Variants in CBLB observed in about 807,000 individuals in gnomAD.
The protein encoded by CBLB is Cbl proto-oncogene B, also known as E3 ubiquitin-protein ligase CBL-B.
Under a neutral mutation model 104.9 loss-of-function variants are expected in CBLB, and 31 were observed. That is an observed-to-expected ratio of 0.30 (90% CI 0.22 to 0.40). The LOEUF (loss-of-function observed/expected upper bound fraction) is 0.40, where lower values mean the gene tolerates loss of function less well. CBLB is among the 10% of genes least tolerant of loss of function. CBLB has a pLI of 1.00. For missense variants in CBLB, 1,062 were observed against 1,214.6 expected (o/e 0.87, Z 1.87); for synonymous variants, 440 against 422.6 (o/e 1.04, Z -0.51).
chr3:105,860,287 A>C (rs1384553063), intron 2 of CBLB, among the ~76,000 whole-genome samples: 1 of 152,222 alleles, frequency 6.6e-6, no homozygotes, highest in Non-Finnish European at 1.5e-5. Context: ...TTATATTACA[A>C]ATAGCATATC....
intron 3 of CBLB, among the ~76,000 whole-genome samples, chr3:105,804,514 C>T (rs1042695406): frequency 6.8e-6 from 1 of 146,174 alleles, no homozygotes; most frequent in African/African-American, 2.5e-5. Flanking sequence ...GAGCAAGACT[C>T]TGTCTCAAAA....
At chr3:105,746,518 G>A (rs1190015147) in intron 5 of CBLB, among the ~76,000 whole-genome samples, 1 of 152,020 alleles carries the variant, frequency 6.6e-6, no homozygotes, top group Non-Finnish European at 1.5e-5. Context: ...CTATTGTCTT[G>A]AACAAAAAAG....
At chr3:105,681,272 G>A in intron 16 of CBLB, 1 of 598,494 alleles carries the variant, frequency 1.7e-6, no homozygotes, top group South Asian at 2.1e-5. Flanking sequence ...CCTGACTGAT[G>A]CCCAACTACT....
In CBLB at chr3:105,658,115, T is replaced by C. The variant is rs56373719; in HGVS notation, c.*855A>G. ...CTTGTTATATAACTTCAGTACAGCA[T>C]TGTCTTATACAAGTGTTCTCTCTTC... On this transcript the variant is annotated 3_prime_UTR_variant, in exon 19 of 19. Coordinates refer to ENST00000394030, the MANE Select transcript of CBLB (RefSeq NM_170662.5). 4.6e-6 allele frequency: 1 copy of C among 217,042 alleles called. No individual in the cohort carries two copies. The highest frequency in any genetic ancestry group is 9.3e-6 in the Non-Finnish European group (1 of 107,760). 13.4% of individuals were successfully genotyped at this position (217,042 alleles called of 1,614,324 possible). A position where few individuals can be genotyped will look rare whatever the true frequency, so the allele number is the denominator to read the frequency against.
rs778115917 is a variant in CBLB, at chr3:105,670,401, TG to T, written c.2570-50del. On this transcript the variant is annotated intron_variant, in intron 17 of 18. Transcript: ENST00000394030. ...AATTAAAAGGATGATCTCTGTTGAT[TG>T]GCTGAAGAAAAAAATTCTAGAATTA... The T allele has an allele frequency of 2.7e-6, 4 of 1,494,152 alleles. No individual in the cohort carries two copies. The African/African-American group carries it at 5.5e-5, about 21-fold the overall frequency. 92.6% of individuals were successfully genotyped at this position (1,494,152 alleles called of 1,614,324 possible). A position where few individuals can be genotyped will look rare whatever the true frequency, so the allele number is the denominator to read the frequency against.
chr3:105,731,733 G>T (rs1322613432), intron 9 of CBLB, among the ~76,000 whole-genome samples: 3 of 152,142 alleles, frequency 2.0e-5, no homozygotes, highest in Non-Finnish European at 4.4e-5. Flanking sequence ...GATTTAAGAG[G>T]TGTGAGCCGC....
At chr3:105,704,282 T>C (rs1179660263) in intron 10 of CBLB, 109 bp from the exon 11 acceptor site, 2 of 965,902 alleles carry the variant, frequency 2.1e-6, no homozygotes, top group African/African-American at 3.2e-5. Context: ...CATACATTTG[T>C]TAAAATGAAT....
chr3:105,783,271 T>A (rs1275432185), intron 3 of CBLB, among the ~76,000 whole-genome samples: 1 of 130,754 alleles, frequency 7.6e-6, no homozygotes, highest in Non-Finnish European at 1.7e-5. Context: ...AAGACCCTGA[T>A]GCATCTAATT....
chr3:105,850,893 T>C (rs1376505781), intron 3 of CBLB, among the ~76,000 whole-genome samples: 2 of 152,154 alleles, frequency 1.3e-5, no homozygotes, highest in Non-Finnish European at 1.5e-5. Context: ...AGAACTGTCA[T>C]TCGTTGCTGG....
intron 13 of CBLB, among the ~76,000 whole-genome samples, chr3:105,688,313 C>T (rs1405032156): frequency 6.6e-6 from 1 of 151,988 alleles, no homozygotes; most frequent in African/African-American, 2.4e-5. Context: ...TACATAGGGA[C>T]ATACACTCTC....
At chr3:105,744,086 G>GT (rs1469282251) in intron 6 of CBLB, among the ~76,000 whole-genome samples, 3 of 152,234 alleles carry the variant, frequency 2.0e-5, no homozygotes, top group South Asian at 2.1e-4. Flanking sequence ...GAGGGCAGTA[G>GT]TTTTTTACTA....
At chr3:105,739,569 T>A (rs574430699) in intron 7 of CBLB, among the ~76,000 whole-genome samples, 1 of 152,282 alleles carries the variant, frequency 6.6e-6, no homozygotes, top group East Asian at 1.9e-4. Context: ...ATACTTTGTG[T>A]GTGGAGTGAG....
chr3:105,657,024 T>C lies in CBLB; in HGVS notation c.*1946A>G. 1 of 225,198 alleles carries C rather than the reference T, an allele frequency of 4.4e-6. No individual in the cohort carries two copies. The highest frequency in any genetic ancestry group is 6.4e-5 in the East Asian group (1 of 15,720). 13.9% of individuals were successfully genotyped at this position (225,198 alleles called of 1,614,324 possible). On this transcript the variant is annotated 3_prime_UTR_variant, in exon 19 of 19. Coordinates refer to ENST00000394030, the MANE Select transcript of CBLB (RefSeq NM_170662.5). ...TCATGGGAAGAACATCTAAGGCAAA[T>C]GAAAAATTCCCCTCCAGGGACATAA...
intron 9 of CBLB, among the ~76,000 whole-genome samples, chr3:105,722,198 C>CAAAAAAAAAA (rs5851468): frequency 9.5e-5 from 8 of 84,368 alleles, no homozygotes; most frequent in East Asian, 3.1e-4. Context: ...GACCCCGTGC[C>CAAAAAAAAAA]AAAAAAAAAA....
rs185405848 is a variant in CBLB, at chr3:105,780,131, G to A, written c.420-3589C>T. Among the ~76,000 whole-genome samples the A allele has an allele frequency of 3.3e-5, 5 of 151,550 alleles. No individual in the cohort carries two copies. In the East Asian group the frequency reaches 9.7e-4, roughly 29 times the overall value. Reference sequence around the variant, plus strand: ...ACCTCCTGAAGTGCTGGGGTTACAGGCATGAGACACCGTGCCCAGCCTAAT... The same window carrying A: ...ACCTCCTGAAGTGCTGGGGTTACAGACATGAGACACCGTGCCCAGCCTAAT... On this transcript the variant is annotated intron_variant, in intron 3 of 18. Coordinates refer to ENST00000394030, the MANE Select transcript of CBLB (RefSeq NM_170662.5).
intron 16 of CBLB, among the ~76,000 whole-genome samples, chr3:105,679,188 T>C (rs2066001606): frequency 1.3e-5 from 2 of 152,112 alleles, no homozygotes; most frequent in East Asian, 1.9e-4. Flanking sequence ...CAGCTAAATA[T>C]AGAACCTTCT....
intron 4 of CBLB, among the ~76,000 whole-genome samples, chr3:105,759,572 T>G (rs2077411259): frequency 6.6e-6 from 1 of 152,070 alleles, no homozygotes. Flanking sequence ...TCCCAAAGTC[T>G]GGAAAGGGAT....
chr3:105,703,173 T>C (rs1041081099), intron 11 of CBLB, among the ~76,000 whole-genome samples: 6 of 152,190 alleles, frequency 3.9e-5, no homozygotes, highest in African/African-American at 1.4e-4. Context: ...GTTAATCTGA[T>C]GATTGATTTG....
chr3:105,655,487 A>C lies in CBLB; in HGVS notation c.*3483T>G, dbSNP rs1254176941. 5.8e-6 allele frequency: 1 copy of C among 173,310 alleles called. No individual in the cohort carries two copies. The highest frequency in any genetic ancestry group is 6.4e-5 in the Admixed American group (1 of 15,736). The allele number at this position is 173,310 out of a possible 1,614,324, so 10.7% of individuals were successfully genotyped here. A position where few individuals can be genotyped will look rare whatever the true frequency, so the allele number is the denominator to read the frequency against. On this transcript the variant is annotated 3_prime_UTR_variant, in exon 19 of 19. Transcript: ENST00000394030. ...TTAGTTAACGTTCATTTTATAAAAT[A>C]CTTTAAAAGAACAGATAAAGTACTT...
Sources: allele counts gnomAD v4.1 joint callset (sites outside exome capture counted in the v4.1 genomes callset), GRCh38; gene constraint gnomAD v4.1.1; transcripts MANE v1.5; gene names NCBI Gene and HGNC (gene_info 2026-07-23, HGNC 2026-07-21).